VPS33B: variants seen among roughly 807,000 people sequenced by gnomAD.
VPS33B encodes the protein vacuolar protein sorting-associated protein 33B.
Under a neutral mutation model 95.3 loss-of-function variants are expected in VPS33B, and 80 were observed. The ratio of observed to expected loss-of-function variants is 0.84; its 90% CI spans 0.70 to 1.01. The LOEUF is 1.01. Ranked by LOEUF, VPS33B falls within the 50% of genes least tolerant of loss-of-function variation. VPS33B has a pLI of 0.00. For synonymous variants in VPS33B, 280 were observed against 280.4 expected (o/e 1.00, Z 0.01); for missense variants, 715 against 773.4 (o/e 0.92, Z 0.90).
Position 91,000,415 on chromosome 15 carries a change from A to C in VPS33B, c.1581+75T>G, listed in dbSNP as rs2040403873. ...CCATCTCAAATAAAAAAAAAAAAACATTGAGACACGCCAGGGACCAAGAGA... is the reference window on the plus strand; with the variant it reads ...CCATCTCAAATAAAAAAAAAAAAACCTTGAGACACGCCAGGGACCAAGAGA... On this transcript the variant is annotated intron_variant, in intron 20 of 22. Transcript: ENST00000333371. This position sits in a 1 kb window ranked among gnomAD's most constrained non-coding sequence, Gnocchi z 4.9. 7 of 1,356,620 alleles carry C rather than the reference A, an allele frequency of 5.2e-6. No individual in the cohort carries two copies. In the South Asian group the frequency reaches 8.7e-5, roughly 17 times the overall value. The allele number at this position is 1,356,620 out of a possible 1,614,324, so 84.0% of individuals were successfully genotyped here.
intron 16 of VPS33B, among the ~76,000 whole-genome samples, chr15:91,003,413 G>A (rs2040500259): frequency 6.6e-6 from 1 of 152,134 alleles, no homozygotes; most frequent in African/African-American, 2.4e-5. Context: ...TGCAGCAGGA[G>A]GGAGGAGAAG....
Position 91,009,135 on chromosome 15 carries a change from T to G in VPS33B, c.403+666A>C, listed in dbSNP as rs2040702674. 6.6e-6 allele frequency among the ~76,000 whole-genome samples: 1 copy of G among 152,052 alleles called. No individual in the cohort carries two copies. The highest frequency in any genetic ancestry group is 1.5e-5 in the Non-Finnish European group (1 of 68,002). ...GGAATACACAGAGGGGAGGCCCAGT[T>G]TTTCCTGTGGGAGCCTTGGAAGGTG... On this transcript the variant is annotated intron_variant, in intron 6 of 22. Coordinates refer to ENST00000333371, the MANE Select transcript of VPS33B (RefSeq NM_018668.5). The surrounding 1 kb of genome is among the most constrained non-coding windows in gnomAD (Gnocchi z 4.1).
In VPS33B at chr15:91,006,117, G is replaced by C; in HGVS notation, c.853-58C>G. On this transcript the variant is annotated intron_variant, in intron 11 of 22. Transcript: ENST00000333371. This position sits in a 1 kb window ranked among gnomAD's most constrained non-coding sequence, Gnocchi z 5.4. ...CTGTCAGAACCATAACTTAGCAGTA[G>C]AATGACAGTACAGGAAGGGTACTCA... 6.3e-7 allele frequency: 1 copy of C among 1,580,828 alleles called. No homozygotes were observed. The highest frequency in any genetic ancestry group is 8.7e-7 in the Non-Finnish European group (1 of 1,152,532).
rs1471717098 is a variant in VPS33B, at chr15:91,005,168, T to G, written c.1106-49A>C. 6.2e-7 allele frequency: 1 copy of G among 1,613,892 alleles called. No individual in the cohort carries two copies. The highest frequency in any genetic ancestry group is 1.3e-5 in the African/African-American group (1 of 74,940). ...TGTTACTGGGGGCCAGCTCAGCTGC[T>G]GCCATCTATGCTAACAGGTGTCTGT... On this transcript the variant is annotated intron_variant, in intron 14 of 22. Transcript: ENST00000333371. The surrounding 1 kb of genome is among the most constrained non-coding windows in gnomAD (Gnocchi z 6.4).
rs774079336 is a variant in VPS33B at position 91,000,020 on chromosome 15, G to C, written c.1582-45C>G. 2 of 1,611,092 alleles carry C rather than the reference G, an allele frequency of 1.2e-6. No individual in the cohort carries two copies. The highest frequency in any genetic ancestry group is 1.7e-6 in the Non-Finnish European group (2 of 1,178,046). ...GTTTTTAAGGCTACAGACAGTATCA[G>C]GCTTAGGAAAGGAAGGGCACAGCAG... On this transcript the variant is annotated intron_variant, in intron 20 of 22. Transcript: ENST00000333371. The surrounding 1 kb of genome is among the most constrained non-coding windows in gnomAD (Gnocchi z 4.9).
Position 91,007,472 on chromosome 15 carries a change from G to A in VPS33B, c.600C>T (p.Ala200=), listed in dbSNP as rs779941309. ...ACAGTACTGCTAGTGCTCTTACCTT[G>A]GCGCACCTGCCAATTCCATAGCAGT... ...FPNCYGIGRC[A]KMAYELWRNL... Residue 200 remains alanine, a synonymous_variant, in exon 8 of 23, where the codon GCC becomes GCT. Transcript: ENST00000333371. This position sits in a 1 kb window ranked among gnomAD's most constrained non-coding sequence, Gnocchi z 5.3. The A allele has an allele frequency of 6.2e-7, 1 of 1,614,018 alleles. No homozygotes were observed. Among genetic ancestry groups the A allele is most frequent in the African/African-American group, 1.3e-5 (1 of 74,946 alleles).
intron 2 of VPS33B, 40 bp downstream of exon 2, chr15:91,017,765 C>G: frequency 6.3e-7 from 1 of 1,599,622 alleles, no homozygotes; most frequent in Non-Finnish European, 8.6e-7. Context: ...AGAAAAACTG[C>G]TTAAAGAGGG....
intron 3 of VPS33B, among the ~76,000 whole-genome samples, chr15:91,016,005 G>A (rs1405102036): frequency 2.6e-5 from 4 of 152,062 alleles, no homozygotes; most frequent in Non-Finnish European, 5.9e-5. Flanking sequence ...GACAACAGCT[G>A]TACATGACTA....
At chr15:91,008,809 A>G (rs1055650396) in intron 6 of VPS33B, among the ~76,000 whole-genome samples, 10 of 152,212 alleles carry the variant, frequency 6.6e-5, no homozygotes, top group African/African-American at 2.4e-4. Flanking sequence ...CTGGGGGTAT[A>G]GGAAAGACTT....
chr15:91,014,126 AGAGAATCGCTTGAACCCAG>A (rs1055924206), intron 4 of VPS33B, among the ~76,000 whole-genome samples: 1 of 151,558 alleles, frequency 6.6e-6, no homozygotes, highest in Non-Finnish European at 1.5e-5. Context: ...GGCTAAGGCA[AGAGAATCGCTTGAACCCAG>A]GAGGCGGAGG....
rs2041005847 is a variant in VPS33B, at chr15:91,018,431, T to C, written c.97-546A>G. Reference sequence around the variant, plus strand: ...CTCCTGACACCGATCTCAATGTCTGTTCAGAGGAAGGAGAGGTCACAGTTA... The same window carrying C: ...CTCCTGACACCGATCTCAATGTCTGCTCAGAGGAAGGAGAGGTCACAGTTA... On this transcript the variant is annotated intron_variant, in intron 1 of 22. Coordinates refer to ENST00000333371, the MANE Select transcript of VPS33B (RefSeq NM_018668.5). This position sits in a 1 kb window ranked among gnomAD's most constrained non-coding sequence, Gnocchi z 4.7. 6.6e-6 allele frequency among the ~76,000 whole-genome samples: 1 copy of C among 152,076 alleles called. No individual in the cohort carries two copies. Among genetic ancestry groups the C allele is most frequent in the South Asian group, 2.1e-4 (1 of 4,820 alleles).
rs75951482 is a variant in VPS33B at position 91,017,123 on chromosome 15, G to T, written c.178-99C>A. The T allele has an allele frequency of 1.1e-3, 1,251 of 1,103,436 alleles. 7 individuals carry two copies. In the African/African-American group the frequency reaches 0.017, roughly 15 times the overall value. The allele number at this position is 1,103,436 out of a possible 1,614,324, so 68.4% of individuals were successfully genotyped here. ...GACTTCTTGAGGGCTTCCTAATTAT[G>T]CTAATTATTGAGGGCTTCCTAATTA... On this transcript the variant is annotated intron_variant, in intron 2 of 22. Transcript: ENST00000333371.
Position 91,000,405 on chromosome 15 carries a change from A to C in VPS33B, c.1581+85T>G. ...GAGCAAGACTCCATCTCAAATAAAA[A>C]AAAAAAAACATTGAGACACGCCAGG... On this transcript the variant is annotated intron_variant, in intron 20 of 22. Transcript: ENST00000333371. The surrounding 1 kb of genome is among the most constrained non-coding windows in gnomAD (Gnocchi z 4.9). 2 of 1,340,468 alleles carry C rather than the reference A, an allele frequency of 1.5e-6. No homozygotes were observed. The highest frequency in any genetic ancestry group is 2.1e-6 in the Non-Finnish European group (2 of 974,472). 83.0% of individuals were successfully genotyped at this position (1,340,468 alleles called of 1,614,324 possible).
chr15:91,016,808 A>C (rs994434647), intron 3 of VPS33B, among the ~76,000 whole-genome samples, 155 bp downstream of exon 3: 2 of 152,210 alleles, frequency 1.3e-5, no homozygotes, highest in Non-Finnish European at 2.9e-5. Flanking sequence ...AAACTACAGA[A>C]AACAAAACAA....
rs369563363 is a variant in VPS33B at position 91,009,735 on chromosome 15, GAAC to G, written c.403+63_403+65del. On this transcript the variant is annotated intron_variant, in intron 6 of 22. Transcript: ENST00000333371. The surrounding 1 kb of genome is among the most constrained non-coding windows in gnomAD (Gnocchi z 4.1). ...GTGGGGGTGGGGTGGGGGGGTTGGAGAACAACAACAGTTTTTTCTTCTGTATGT... is the reference window on the plus strand; with the variant it reads ...GTGGGGGTGGGGTGGGGGGGTTGGAGAACAACAGTTTTTTCTTCTGTATGT... The G allele has an allele frequency of 1.1e-3, 1,778 of 1,588,348 alleles. 25 individuals are homozygous for G. The African/African-American group carries it at 0.022, about 19-fold the overall frequency.
In VPS33B at chr15:91,010,674, G is replaced by A. The variant is rs1397399145; in HGVS notation, c.358-828C>T. ...GAGGAGAGCTAAGGACAGGACTCTA[G>A]GGAACACAAGATGAAAGGGGGCCAG... On this transcript the variant is annotated intron_variant, in intron 5 of 22. Transcript: ENST00000333371. The surrounding 1 kb of genome is among the most constrained non-coding windows in gnomAD (Gnocchi z 5.7). Among the ~76,000 whole-genome samples the A allele has an allele frequency of 6.6e-6, 1 of 152,170 alleles. No individual in the cohort carries two copies. Among genetic ancestry groups the A allele is most frequent in the Non-Finnish European group, 1.5e-5 (1 of 68,042 alleles).
At chr15:91,016,484 A>C (rs1322655373) in intron 3 of VPS33B, among the ~76,000 whole-genome samples, 2 of 149,852 alleles carry the variant, frequency 1.3e-5, no homozygotes, top group Non-Finnish European at 2.9e-5. Flanking sequence ...CCCGGGTTCA[A>C]GCGATTCGCC....
chr15:91,003,046 C>T (rs2151666369), intron 17 of VPS33B, 39 bp downstream of exon 17: 1 of 1,611,820 alleles, frequency 6.2e-7, no homozygotes, highest in East Asian at 2.2e-5. Context: ...TAACTGCCCT[C>T]CATCAAGTTC....
intron 6 of VPS33B, among the ~76,000 whole-genome samples, chr15:91,008,414 G>A (rs1305312433): frequency 6.6e-6 from 1 of 152,168 alleles, no homozygotes; most frequent in Non-Finnish European, 1.5e-5. Context: ...ACAGGTGCAC[G>A]CCACCATGCC....
Sources: allele counts gnomAD v4.1 joint callset (sites outside exome capture counted in the v4.1 genomes callset), GRCh38; gene constraint gnomAD v4.1.1; non-coding constraint Gnocchi (gnomAD v3.1); transcripts MANE v1.5; gene names NCBI Gene and HGNC (gene_info 2026-07-23, HGNC 2026-07-21).